Variants in ADPRM observed in about 807,000 individuals in gnomAD.
ADPRM encodes the protein manganese-dependent ADP-ribose/CDP-alcohol diphosphatase.
Under a neutral mutation model 27.2 loss-of-function variants are expected in ADPRM, and 17 were observed. That is an observed-to-expected ratio of 0.63 (90% CI 0.43 to 0.94). ADPRM has a LOEUF of 0.94. ADPRM is among the 40% of genes least tolerant of loss of function. ADPRM has a pLI of 0.00. For synonymous variants in ADPRM, 135 were observed against 145.3 expected (o/e 0.93, Z 0.51); for missense variants, 337 against 412.8 (o/e 0.82, Z 1.59).
chr17:10,709,593 A>G (rs77563686), intron 3 of ADPRM, among the ~76,000 whole-genome samples: 1 of 152,162 alleles, frequency 6.6e-6, no homozygotes, highest in Admixed American at 6.5e-5. Context: ...TTCAGGGAGA[A>G]GGGAACAACT....
intron 3 of ADPRM, among the ~76,000 whole-genome samples, chr17:10,709,653 G>C (rs959757549): frequency 1.3e-5 from 2 of 151,748 alleles, no homozygotes; most frequent in Non-Finnish European, 2.9e-5. Flanking sequence ...ATATGGCTTC[G>C]AGGTGCTGGA....
chr17:10,700,420 A>C (rs2074768726), intron 1 of ADPRM, among the ~76,000 whole-genome samples: 1 of 152,074 alleles, frequency 6.6e-6, no homozygotes, highest in Admixed American at 6.6e-5. Context: ...ACTTGAGCTC[A>C]GGAGCTTGAG....
Position 10,705,616 on chromosome 17 carries a change from G to A in ADPRM, c.601+89G>A. ...TTCAGCAGGAAGATGGACAATTAAG[G>A]TAAAAGTATATTGTCACTTGTTCAG... On this transcript the variant is annotated intron_variant, in intron 2 of 3. Transcript: ENST00000379774. This position sits in a 1 kb window ranked among gnomAD's most constrained non-coding sequence, Gnocchi z 5.4. 6.6e-7 allele frequency: 1 copy of A among 1,516,808 alleles called. No homozygotes were observed. Among genetic ancestry groups the A allele is most frequent in the Non-Finnish European group, 8.8e-7 (1 of 1,134,418 alleles). The allele number at this position is 1,516,808 out of a possible 1,614,324, so 94.0% of individuals were successfully genotyped here.
Position 10,705,031 on chromosome 17 carries a change from T to A in ADPRM, c.105T>A (p.Phe35Leu), listed in dbSNP as rs757256713. The change falls in exon 2 of 4, where the codon TTT (phenylalanine) becomes TTA (leucine). Residue 35 changes from phenylalanine (F) to leucine (L), a missense_variant. Coordinates refer to ENST00000379774, the MANE Select transcript of ADPRM (RefSeq NM_020233.5). This position sits in a 1 kb window ranked among gnomAD's most constrained non-coding sequence, Gnocchi z 5.4. ...DVQFADLEDG[F>L]NFQGTRRRYY... ...AATTTGCAGACTTAGAAGATGGCTT[T>A]AATTTCCAAGGAACCAGGCGGCGAT... 11 of 1,614,188 alleles carry A rather than the reference T, an allele frequency of 6.8e-6. No individual in the cohort carries two copies. In the East Asian group the frequency reaches 2.5e-4, roughly 36 times the overall value.
rs770360424 is a variant in ADPRM, at chr17:10,697,767, G to A, written c.-18+100G>A. 578 of 537,218 alleles carry A rather than the reference G, an allele frequency of 1.1e-3. 4 individuals carry two copies. The highest frequency in any genetic ancestry group is 7.5e-4 in the Non-Finnish European group (227 of 301,662). 33.3% of individuals were successfully genotyped at this position (537,218 alleles called of 1,614,324 possible). On this transcript the variant is annotated intron_variant, in intron 1 of 3. Transcript: ENST00000379774. ...CGCCGGGAAGGGGGCTGCCTTAGGG[G>A]TCCAGGTGCGCGGCTGGGCCGAGGC...
At chr17:10,699,668 G>T (rs1482750333) in intron 1 of ADPRM, among the ~76,000 whole-genome samples, 3 of 151,852 alleles carry the variant, frequency 2.0e-5, no homozygotes, top group Non-Finnish European at 4.4e-5. Flanking sequence ...GGGACTAGAG[G>T]TGCGTGCCAC....
At chr17:10,710,368 T>G (rs567537323) in intron 3 of ADPRM, among the ~76,000 whole-genome samples, 2 of 152,318 alleles carry the variant, frequency 1.3e-5, no homozygotes, top group Admixed American at 1.3e-4. Context: ...TCCCAAAGTG[T>G]TGGGATTACA....
chr17:10,708,031 A>C (rs942480969), intron 3 of ADPRM, among the ~76,000 whole-genome samples: 32 of 152,156 alleles, frequency 2.1e-4, no homozygotes, highest in Non-Finnish European at 4.0e-4. Flanking sequence ...AGCTGGAAGG[A>C]CAGGATGCCA....
At chr17:10,703,347 G>T (rs1016472620) in intron 1 of ADPRM, among the ~76,000 whole-genome samples, 34 of 152,208 alleles carry the variant, frequency 2.2e-4, no homozygotes, top group African/African-American at 8.2e-4. Flanking sequence ...GGTAGGGGCT[G>T]CAGGAAGAAA....
In ADPRM at chr17:10,705,668, A is replaced by C; in HGVS notation, c.601+141A>C. 13 of 1,304,396 alleles carry C rather than the reference A, an allele frequency of 1.0e-5. No homozygotes were observed. The highest frequency in any genetic ancestry group is 1.5e-5 in the African/African-American group (1 of 67,168). The allele number at this position is 1,304,396 out of a possible 1,614,324, so 80.8% of individuals were successfully genotyped here. ...GTCAGGATTTCTCACAAGCCTTCTC[A>C]CATGGATTGGTTACAGTTGATTCAA... On this transcript the variant is annotated intron_variant, in intron 2 of 3. Coordinates refer to ENST00000379774, the MANE Select transcript of ADPRM (RefSeq NM_020233.5). This position sits in a 1 kb window ranked among gnomAD's most constrained non-coding sequence, Gnocchi z 5.4.
At chr17:10,706,830 G>T (rs945298693) in intron 3 of ADPRM, among the ~76,000 whole-genome samples, 8 of 152,226 alleles carry the variant, frequency 5.3e-5, no homozygotes, top group Admixed American at 5.2e-4. Flanking sequence ...ATCAGTTTAT[G>T]AAGTAATTTC....
Position 10,697,623 on chromosome 17 carries a change from C to G in ADPRM, c.-62C>G. 7.6e-7 allele frequency: 1 copy of G among 1,319,102 alleles called. No individual in the cohort carries two copies. Among genetic ancestry groups the G allele is most frequent in the Admixed American group, 1.9e-5 (1 of 52,350 alleles). The allele number at this position is 1,319,102 out of a possible 1,614,324, so 81.7% of individuals were successfully genotyped here. A position where few individuals can be genotyped will look rare whatever the true frequency, so the allele number is the denominator to read the frequency against. On this transcript the variant is annotated 5_prime_UTR_variant, in exon 1 of 4. Coordinates refer to ENST00000379774, the MANE Select transcript of ADPRM (RefSeq NM_020233.5). Reference sequence around the variant, plus strand: ...GTCCCGCTCGTTGGTGGCGCTGTTACATAGCCCGTAGTCAGAGGCCTTTCA... The same window carrying G: ...GTCCCGCTCGTTGGTGGCGCTGTTAGATAGCCCGTAGTCAGAGGCCTTTCA...
intron 3 of ADPRM, among the ~76,000 whole-genome samples, chr17:10,707,609 G>A (rs114700473): frequency 3.2e-3 from 491 of 152,174 alleles, no homozygotes; most frequent in African/African-American, 0.011. Context: ...ATTCAGTTAG[G>A]GGACCATACC....
chr17:10,698,642 G>A (rs2074752606), intron 1 of ADPRM, among the ~76,000 whole-genome samples: 1 of 152,150 alleles, frequency 6.6e-6, no homozygotes, highest in African/African-American at 2.4e-5. Flanking sequence ...TTTTCTATGA[G>A]TTAGCCAAAC....
chr17:10,699,518 C>CTTTTTTTTTTTTTTTTTTTTT (rs781412834), intron 1 of ADPRM, among the ~76,000 whole-genome samples: 1 of 113,338 alleles, frequency 8.8e-6, no homozygotes, highest in African/African-American at 3.4e-5. Flanking sequence ...TCTTTTCTTT[C>CTTTTTTTTTTTTTTTTTTTTT]TTTTTTTTTT....
chr17:10,705,052 G>T lies in ADPRM; in HGVS notation c.126G>T (p.Arg42=). The stretch of plus-strand genomic sequence containing the variant: ...GCTTTAATTTCCAAGGAACCAGGCG[G>T]CGATACTACAGACATAGTCTTCTTC... ...EDGFNFQGTR[R]RYYRHSLLHL... Residue 42 remains arginine (R), a synonymous_variant, in exon 2 of 4, where the codon CGG becomes CGT. Transcript: ENST00000379774. This position sits in a 1 kb window ranked among gnomAD's most constrained non-coding sequence, Gnocchi z 5.4. 6.2e-7 allele frequency: 1 copy of T among 1,614,094 alleles called. No individual in the cohort carries two copies. Among genetic ancestry groups the T allele is most frequent in the Non-Finnish European group, 8.5e-7 (1 of 1,180,018 alleles).
chr17:10,701,611 G>A (rs1266441107), intron 1 of ADPRM, among the ~76,000 whole-genome samples: 1 of 152,212 alleles, frequency 6.6e-6, no homozygotes, highest in Non-Finnish European at 1.5e-5. Flanking sequence ...TTACAGGCGT[G>A]AGCCACCACG....
chr17:10,708,218 CAGG>C (rs1012362823), intron 3 of ADPRM, among the ~76,000 whole-genome samples: 6 of 151,996 alleles, frequency 3.9e-5, no homozygotes, highest in Admixed American at 1.3e-4. Context: ...ATCATGAGGT[CAGG>C]AGTTCGAGAC....
chr17:10,698,638 A>G (rs985155658), intron 1 of ADPRM, among the ~76,000 whole-genome samples: 2 of 152,112 alleles, frequency 1.3e-5, no homozygotes, highest in African/African-American at 2.4e-5. Context: ...CTTGTTTTCT[A>G]TGAGTTAGCC....
Sources: gnomAD v4.1 joint callset for allele counts (sites outside exome capture counted in the v4.1 genomes callset) on GRCh38, gnomAD v4.1.1 for gene constraint, Gnocchi (gnomAD v3.1) non-coding constraint, MANE v1.5 for transcripts, NCBI Gene and HGNC (gene_info 2026-07-23, HGNC 2026-07-21) for gene names.